Variants in PCDHA1 observed in about 807,000 individuals in gnomAD.
PCDHA1 encodes the protein protocadherin alpha-1.
A neutral mutation model predicts 61.3 loss-of-function variants in PCDHA1; 42 were observed. That is an observed-to-expected ratio of 0.69 (90% confidence interval 0.54 to 0.89). The LOEUF is 0.89. Ranked by LOEUF, PCDHA1 falls within the 40% of genes least tolerant of loss-of-function variation. PCDHA1 has a pLI of 0.00. For missense variants in PCDHA1, 1,256 were observed against 1,235.3 expected, an observed-to-expected ratio of 1.02 and a Z score of -0.25; for synonymous variants, 610 against 553.8, an observed-to-expected ratio of 1.10 and a Z score of -1.43.
intron 1 of PCDHA1, among the ~76,000 whole-genome samples, chr5:140,937,282 C>T (rs2091446146): frequency 6.6e-6 from 1 of 152,060 alleles, no homozygotes; most frequent in Admixed American, 6.6e-5. Context: ...CGTGATTCAC[C>T]CGCTTCGGCC....
chr5:140,999,801 G>T (rs1271249129), intron 3 of PCDHA1, among the ~76,000 whole-genome samples: 1 of 152,112 alleles, frequency 6.6e-6, no homozygotes, highest in Admixed American at 6.5e-5. Flanking sequence ...GTTATTTTGG[G>T]CACAAAGCAA....
At chr5:140,968,283 A>G in intron 1 of PCDHA1, 1 of 1,613,726 alleles carries the variant, frequency 6.2e-7, no homozygotes, top group Non-Finnish European at 8.5e-7. Flanking sequence ...GAGGTGACCT[A>G]CTCCCTTCTG....
intron 1 of PCDHA1, among the ~76,000 whole-genome samples, chr5:140,955,262 C>CT (rs1165777806): frequency 1.3e-5 from 2 of 152,044 alleles, no homozygotes; most frequent in African/African-American, 2.4e-5. Flanking sequence ...TATAAAGGCT[C>CT]TTTTTTGGTT....
intron 1 of PCDHA1, among the ~76,000 whole-genome samples, chr5:140,881,901 T>C (rs1455904146): frequency 6.6e-6 from 1 of 152,208 alleles, no homozygotes; most frequent in Non-Finnish European, 1.5e-5. Context: ...TGTCAGCTAA[T>C]ATAAAATGTT....
At chr5:140,842,621 T>C in intron 1 of PCDHA1, 1 of 1,576,496 alleles carries the variant, frequency 6.3e-7, no homozygotes, top group East Asian at 2.2e-5. Flanking sequence ...GGGCTCGCCT[T>C]CGCTGTGGGC....
At chr5:140,845,127 A>G (rs1183874019) in intron 1 of PCDHA1, among the ~76,000 whole-genome samples, 4 of 149,560 alleles carry the variant, frequency 2.7e-5, no homozygotes, top group Non-Finnish European at 6.0e-5. Flanking sequence ...TTAGCATTTT[A>G]TTTGACTATT....
At position 140,850,379 on chromosome 5, in the gene PCDHA1, G is replaced by T. The variant is rs2150481547; in HGVS notation, c.2394+61695G>T. On this transcript the variant is annotated intron_variant, in intron 1 of 3. Coordinates refer to ENST00000504120, the MANE Select transcript of PCDHA1 (RefSeq NM_018900.4). ...TCCCGTTCCGCGTGGGGCTGTACAC[G>T]GGCGAGATCAGCACAACGCGTGCCC... is the stretch of plus-strand genomic sequence containing the variant. 2.0e-5 allele frequency: 32 copies of T among 1,597,786 alleles called. 2 individuals carry two copies. Among genetic ancestry groups the T allele is most frequent in the Admixed American group, 3.4e-5 (2 of 59,250 alleles).
In PCDHA1 at chr5:140,882,368, T is replaced by C. The variant is rs781902519; in HGVS notation, c.2394+93684T>C. On this transcript the variant is annotated intron_variant, in intron 1 of 3. Transcript: ENST00000504120. ...GACGGGTAGTGGCCAGCTCCACTAC[T>C]CCGTCCCCGAGGAAGCAAAACACGG... 1.9e-6 allele frequency: 3 copies of C among 1,614,218 alleles called. No individual in the cohort carries two copies. The South Asian group carries it at 3.3e-5, about 18-fold the overall frequency.
intron 1 of PCDHA1, chr5:140,869,887 C>T (rs782219538): frequency 3.7e-6 from 6 of 1,610,056 alleles, no homozygotes; most frequent in Non-Finnish European, 3.4e-6. Flanking sequence ...AACTCTTGTG[C>T]TCAAACTAAA....
chr5:140,895,225 G>GT, intron 1 of PCDHA1, among the ~76,000 whole-genome samples: 1 of 152,168 alleles, frequency 6.6e-6, no homozygotes, highest in African/African-American at 2.4e-5. Context: ...ATTTTACTGA[G>GT]TTTTCTCATC....
rs1040454233 is a variant in PCDHA1 at position 140,868,818 on chromosome 5, T to C, written c.2394+80134T>C. On this transcript the variant is annotated intron_variant, in intron 1 of 3. Transcript: ENST00000504120. ...CATAAATAAGCACGTTGGAAATATT[T>C]GGGGGAAGAAACCCAAAACACGTGA... 30 of 385,940 alleles carry C rather than the reference T, an allele frequency of 7.8e-5. No individual in the cohort carries two copies. The East Asian group carries it at 1.3e-3, about 16-fold the overall frequency. 23.9% of individuals were successfully genotyped at this position (385,940 alleles called of 1,614,324 possible).
At chr5:140,958,326 A>T (rs1440413634) in intron 1 of PCDHA1, among the ~76,000 whole-genome samples, 1 of 152,150 alleles carries the variant, frequency 6.6e-6, no homozygotes, top group Non-Finnish European at 1.5e-5. Flanking sequence ...CTCAAAAAAT[A>T]AATAAATCAC....
chr5:140,834,456 G>A (rs2150218651), intron 1 of PCDHA1: 5 of 1,614,148 alleles, frequency 3.1e-6, no homozygotes, highest in Non-Finnish European at 4.2e-6. Context: ...AGCAGCTTGG[G>A]AGGCAGGGAG....
rs186756859 is a variant in PCDHA1, at chr5:140,846,728, A to G, written c.2394+58044A>G. 4.0e-5 allele frequency among the ~76,000 whole-genome samples: 6 copies of G among 149,464 alleles called. 1 individual carries two copies. The highest frequency in any genetic ancestry group is 2.0e-4 in the Admixed American group (3 of 14,884). On this transcript the variant is annotated intron_variant, in intron 1 of 3. Transcript: ENST00000504120. ...TTGTAATAACCAGTCTTCATTAAACATTAAATAGGACCCTTACAGATCTCT... is the reference window on the plus strand; with the variant it reads ...TTGTAATAACCAGTCTTCATTAAACGTTAAATAGGACCCTTACAGATCTCT...
chr5:140,883,551 G>T, intron 1 of PCDHA1: 4 of 1,614,234 alleles, frequency 2.5e-6, no homozygotes, highest in Non-Finnish European at 3.4e-6. Flanking sequence ...GTGACCGCGC[G>T]GGACGGGGGC....
chr5:140,967,740 A>G, intron 1 of PCDHA1: 6 of 1,614,170 alleles, frequency 3.7e-6, no homozygotes, highest in Non-Finnish European at 5.1e-6. Flanking sequence ...GGGCTGGATT[A>G]TGAGGAAGCC....
chr5:140,883,558 G>A, intron 1 of PCDHA1: 2 of 1,614,190 alleles, frequency 1.2e-6, no homozygotes, highest in South Asian at 1.1e-5. Context: ...CGCGGGACGG[G>A]GGCTCGCCTT....
At chr5:141,002,923 C>A (rs1261794185) in intron 3 of PCDHA1, among the ~76,000 whole-genome samples, 2 of 152,220 alleles carry the variant, frequency 1.3e-5, no homozygotes, top group Non-Finnish European at 2.9e-5. Flanking sequence ...AAAGTGAACA[C>A]CCTCCAACAC....
rs1215327894 is a variant in PCDHA1 at position 140,868,871 on chromosome 5, A to T, written c.2394+80187A>T. On this transcript the variant is annotated intron_variant, in intron 1 of 3. Transcript: ENST00000504120. ...TTCTGTGGTGGTAAATGCAGTGCAC[A>T]GTACTCACAGTTTTAGGCGCAAGGT... 4.8e-6 allele frequency: 3 copies of T among 625,152 alleles called. No homozygotes were observed. In the Admixed American group the frequency reaches 9.8e-5, roughly 20 times the overall value. 38.7% of individuals were successfully genotyped at this position (625,152 alleles called of 1,614,324 possible).
Sources: allele counts gnomAD v4.1 joint callset (sites outside exome capture counted in the v4.1 genomes callset), GRCh38; gene constraint gnomAD v4.1.1; transcripts MANE v1.5; gene names NCBI Gene and HGNC (gene_info 2026-07-23, HGNC 2026-07-21).